FAT1: variants seen among roughly 807,000 people sequenced by gnomAD.
FAT1 encodes FAT atypical cadherin 1, also known as protocadherin Fat 1.
Under a neutral mutation model 329.8 loss-of-function variants are expected in FAT1, and 171 were observed. That is an observed-to-expected ratio of 0.52 (90% CI 0.46 to 0.59). The LOEUF is 0.59. FAT1 is among the 20% of genes least tolerant of loss of function. The pLI is 0.00. For missense variants in FAT1, 5,672 were observed against 5,774.4 expected (o/e 0.98, Z 0.57); for synonymous variants, 2,233 against 2,228.6 (o/e 1.00, Z -0.06).
At chr4:186,700,027 A>C (rs569254082) in intron 2 of FAT1, among the ~76,000 whole-genome samples, 1 of 152,286 alleles carries the variant, frequency 6.6e-6, no homozygotes, top group South Asian at 2.1e-4. Flanking sequence ...GTTCCCTGGC[A>C]AGGGGGACGG....
chr4:186,722,257 C>T (rs1745501661), intron 1 of FAT1, among the ~76,000 whole-genome samples: 1 of 152,116 alleles, frequency 6.6e-6, no homozygotes, highest in Non-Finnish European at 1.5e-5. Flanking sequence ...ACAGGTGGCC[C>T]GAAATGATTT....
chr4:186,611,290 A>T, intron 14 of FAT1, 96 bp downstream of exon 14: 5 of 1,117,978 alleles, frequency 4.5e-6, no homozygotes, highest in Non-Finnish European at 6.3e-6. Context: ...ACATCTACTG[A>T]CAACACAGGG....
intron 24 of FAT1, 23 bp from the exon 25 acceptor site, chr4:186,597,194 GGA>G (rs1235332427): frequency 1.3e-6 from 2 of 1,575,248 alleles, no homozygotes; most frequent in African/African-American, 2.7e-5. Flanking sequence ...TCAGGAATGA[GGA>G]GAGACCTCTG....
In FAT1 at chr4:186,618,165, C is replaced by T. The variant is rs369868128; in HGVS notation, c.8421G>A (p.Pro2807=). The T allele has an allele frequency of 1.2e-5, 20 of 1,613,884 alleles. No individual in the cohort carries two copies. Among genetic ancestry groups the T allele is most frequent in the African/African-American group, 6.7e-5 (5 of 74,926 alleles). Residue 2807 remains proline, a synonymous_variant, in exon 10 of 27, where the codon CCG becomes CCA. Transcript: ENST00000441802. The part of the protein sequence containing the change: ...IQVKDANDNS[P]VFESSPYEAF... ...CCTCATATGGACTAGATTCAAAGACCGGGCTGTTGTCATTTGCATCTTTCA... is the reference window on the plus strand; with the variant it reads ...CCTCATATGGACTAGATTCAAAGACTGGGCTGTTGTCATTTGCATCTTTCA...
chr4:186,651,787 C>T (rs560296933), intron 3 of FAT1, among the ~76,000 whole-genome samples: 1 of 152,358 alleles, frequency 6.6e-6, no homozygotes, highest in Non-Finnish European at 1.5e-5. Flanking sequence ...GAGCTCTGGA[C>T]TGTGAGCTCG....
At chr4:186,593,619 C>T (rs1738347642) in intron 26 of FAT1, among the ~76,000 whole-genome samples, 1 of 152,240 alleles carries the variant, frequency 6.6e-6, no homozygotes, top group African/African-American at 2.4e-5. Flanking sequence ...GGGAGCTCTG[C>T]TGACAGAAGG....
chr4:186,682,756 G>C (rs1041461772), intron 2 of FAT1, among the ~76,000 whole-genome samples: 2 of 152,156 alleles, frequency 1.3e-5, no homozygotes, highest in African/African-American at 4.8e-5. Flanking sequence ...GAGGCAGCCC[G>C]GCAGATCAGA....
chr4:186,588,442 G>T lies in FAT1; in HGVS notation c.*150C>A. The T allele has an allele frequency of 1.1e-6, 1 of 888,060 alleles. No homozygotes were observed. Among genetic ancestry groups the T allele is most frequent in the Non-Finnish European group, 1.7e-6 (1 of 602,226 alleles). 55.0% of individuals were successfully genotyped at this position (888,060 alleles called of 1,614,324 possible). On this transcript the variant is annotated 3_prime_UTR_variant, in exon 27 of 27. Transcript: ENST00000441802. Reference sequence around the variant, plus strand: ...GACAGTAGTTGGGACACTGGAAATGGCTAGCACGTCCAGAGGCGCAGGATC... The same window carrying T: ...GACAGTAGTTGGGACACTGGAAATGTCTAGCACGTCCAGAGGCGCAGGATC...
At chr4:186,696,844 C>T (rs921810221) in intron 2 of FAT1, among the ~76,000 whole-genome samples, 3 of 152,064 alleles carry the variant, frequency 2.0e-5, no homozygotes, top group Non-Finnish European at 2.9e-5. Context: ...GCCAACACAG[C>T]AAAAACTCGT....
chr4:186,668,537 G>A (rs905358781), intron 2 of FAT1, among the ~76,000 whole-genome samples: 5 of 152,126 alleles, frequency 3.3e-5, no homozygotes, highest in Non-Finnish European at 7.3e-5. Flanking sequence ...CCTTAATCAG[G>A]GGTTCATCAC....
At chr4:186,675,695 C>T (rs1283547773) in intron 2 of FAT1, among the ~76,000 whole-genome samples, 4 of 151,604 alleles carry the variant, frequency 2.6e-5, no homozygotes, top group African/African-American at 9.7e-5. Context: ...TGAACCATGA[C>T]CACACCACTG....
intron 11 of FAT1, among the ~76,000 whole-genome samples, chr4:186,616,578 G>C (rs1015402418): frequency 6.6e-6 from 1 of 151,974 alleles, no homozygotes; most frequent in African/African-American, 2.4e-5. Context: ...ATGGTGAGCC[G>C]CGCAGATGCA....
chr4:186,600,821 G>C (rs1242480829), intron 21 of FAT1, among the ~76,000 whole-genome samples: 1 of 152,060 alleles, frequency 6.6e-6, no homozygotes, highest in Non-Finnish European at 1.5e-5. Context: ...AGTGATTCTC[G>C]TGCCTCAGCC....
Position 186,588,798 on chromosome 4 carries a change from G to T in FAT1, c.13561C>A (p.Pro4521Thr), listed in dbSNP as rs2126350278. The T allele has an allele frequency of 6.2e-7, 1 of 1,613,998 alleles. No individual in the cohort carries two copies. The change falls in exon 27 of 27, where the codon CCA (proline) becomes ACA (threonine). Residue 4521 changes from proline to threonine, a missense_variant. Pro to Thr is a conservative substitution (Grantham distance 38). Transcript: ENST00000441802. The part of the protein sequence containing the change: ...TCREPHAPYP[P>T]GYQRHFEAPA... ...GCCTCGAAGTGTCTTTGATACCCTG[G>T]CGGGTAAGGGGCATGGGGTTCTCTA...
At chr4:186,641,077 G>A (rs533885294) in intron 3 of FAT1, among the ~76,000 whole-genome samples, 97 of 152,214 alleles carry the variant, frequency 6.4e-4, no homozygotes, top group Middle Eastern at 3.4e-3. Context: ...ATCACTTAAG[G>A]GATATTCAAC....
intron 17 of FAT1, among the ~76,000 whole-genome samples, chr4:186,605,429 TG>T (rs1221441641): frequency 5.4e-5 from 2 of 37,300 alleles, no homozygotes; most frequent in Non-Finnish European, 9.9e-5. Flanking sequence ...GGGAGGAGGT[TG>T]GGGGAGGAGG....
At chr4:186,614,122 T>C (rs1206367679) in intron 12 of FAT1, 69 bp downstream of exon 12, 10 of 1,351,466 alleles carry the variant, frequency 7.4e-6, no homozygotes, top group Non-Finnish European at 9.0e-6. Context: ...TTGTGTGTGA[T>C]CTAAAATCAC....
Position 186,603,303 on chromosome 4 carries a change from C to G in FAT1, c.11223G>C (p.Leu3741=), listed in dbSNP as rs779927281. 6.2e-7 allele frequency: 1 copy of G among 1,613,956 alleles called. No individual in the cohort carries two copies. The highest frequency in any genetic ancestry group is 2.2e-5 in the East Asian group (1 of 44,866). ...CATCGCAGAACTTCCAGGGGCAGTCCAGTCCCGCGCAGAGTTTCTGGAATA... is the reference window on the plus strand; with the variant it reads ...CATCGCAGAACTTCCAGGGGCAGTCGAGTCCCGCGCAGAGTTTCTGGAATA... ...LNVFQKLCAG[L]DCPWKFCDEK... is the part of the protein sequence containing the mutation. Residue 3741 remains leucine, a synonymous_variant, in exon 19 of 27, where the codon CTG becomes CTC. Transcript: ENST00000441802.
intron 2 of FAT1, among the ~76,000 whole-genome samples, chr4:186,688,385 C>T (rs781092153): frequency 5.3e-5 from 8 of 152,178 alleles, no homozygotes; most frequent in Non-Finnish European, 1.0e-4. Flanking sequence ...TATGTATCTG[C>T]TCCCTGAACT....
Sources: allele counts gnomAD v4.1 joint callset (sites outside exome capture counted in the v4.1 genomes callset), GRCh38; gene constraint gnomAD v4.1.1; transcripts MANE v1.5; gene names NCBI Gene and HGNC (gene_info 2026-07-23, HGNC 2026-07-21).